Variants in GPR63 observed in about 807,000 individuals in gnomAD.
GPR63 encodes probable G protein-coupled receptor 63.
Under a neutral mutation model 23.1 loss-of-function variants are expected in GPR63, and 12 were observed. The observed-to-expected ratio is 0.52, with a 90% CI of 0.33 to 0.84. The LOEUF (loss-of-function observed/expected upper bound fraction) is 0.84. Ranked by LOEUF, GPR63 falls within the 40% of genes least tolerant of loss-of-function variation. The probability of loss-of-function intolerance (pLI) is 0.02; values close to 1 mark genes in which losing one functional copy is unlikely to be tolerated. For synonymous variants in GPR63, 172 were observed against 191.1 expected (o/e 0.90, Z 0.82); for missense variants, 472 against 515.6 (o/e 0.92, Z 0.82).
intron 1 of GPR63, among the ~76,000 whole-genome samples, chr6:96,830,998 C>T (rs1458898355): frequency 2.0e-5 from 3 of 152,202 alleles, no homozygotes; most frequent in Non-Finnish European, 4.4e-5. Flanking sequence ...AACACATGTG[C>T]ATACACATAT....
intron 1 of GPR63, among the ~76,000 whole-genome samples, chr6:96,805,410 A>C: frequency 6.6e-6 from 1 of 152,074 alleles, no homozygotes; most frequent in Non-Finnish European, 1.5e-5. Context: ...TGACTCAAAT[A>C]CCTCTAACCA....
At chr6:96,803,323 T>A (rs1223151784) in intron 1 of GPR63, among the ~76,000 whole-genome samples, 1 of 152,224 alleles carries the variant, frequency 6.6e-6, no homozygotes, top group Non-Finnish European at 1.5e-5. Context: ...CACCTGTATA[T>A]GGAAGCCTAC....
chr6:96,810,702 A>T (rs1337993817), intron 1 of GPR63, among the ~76,000 whole-genome samples: 1 of 152,160 alleles, frequency 6.6e-6, no homozygotes, highest in Non-Finnish European at 1.5e-5. Flanking sequence ...ATGTGTGTGT[A>T]TATGCATATA....
chr6:96,805,938 A>G (rs1016693203), intron 1 of GPR63, among the ~76,000 whole-genome samples: 3 of 152,208 alleles, frequency 2.0e-5, no homozygotes, highest in Non-Finnish European at 4.4e-5. Flanking sequence ...TGATGGAGCG[A>G]ATCAACATAT....
At chr6:96,831,975 C>T (rs981194764) in intron 1 of GPR63, among the ~76,000 whole-genome samples, 16 of 151,480 alleles carry the variant, frequency 1.1e-4, no homozygotes, top group Non-Finnish European at 2.2e-4. Flanking sequence ...CATTACTGTA[C>T]AGCTGAAGAA....
intron 1 of GPR63, among the ~76,000 whole-genome samples, chr6:96,823,671 G>T (rs1014506591): frequency 2.0e-5 from 3 of 151,944 alleles, no homozygotes; most frequent in African/African-American, 7.3e-5. Context: ...AGACTTTCAC[G>T]TTCACTTACC....
Position 96,837,258 on chromosome 6 carries a change from C to T in GPR63, c.-151+10G>A, listed in dbSNP as rs970503044. The T allele has an allele frequency of 1.3e-5, 2 of 152,434 alleles. No individual in the cohort carries two copies. The highest frequency in any genetic ancestry group is 6.5e-5 in the Admixed American group (1 of 15,288). 9.4% of individuals were successfully genotyped at this position (152,434 alleles called of 1,614,324 possible). On this transcript the variant is annotated intron_variant, in intron 1 of 1. Coordinates refer to ENST00000229955, the MANE Select transcript of GPR63 (RefSeq NM_030784.4). ...GGATCGCGGGCCGGGGATCCCGAGCCTCACCTCACCTCAAGCGAAGGGCAG... is the reference window on the plus strand; with the variant it reads ...GGATCGCGGGCCGGGGATCCCGAGCTTCACCTCACCTCAAGCGAAGGGCAG...
At chr6:96,819,922 G>A (rs1421300743) in intron 1 of GPR63, among the ~76,000 whole-genome samples, 1 of 140,496 alleles carries the variant, frequency 7.1e-6, no homozygotes, top group African/African-American at 2.7e-5. Flanking sequence ...CTTGCAGTGA[G>A]CTGATATCGC....
At chr6:96,803,533 T>C (rs1219988145) in intron 1 of GPR63, among the ~76,000 whole-genome samples, 5 of 152,242 alleles carry the variant, frequency 3.3e-5, no homozygotes, top group African/African-American at 1.2e-4. Flanking sequence ...AATAATGCCT[T>C]TGCCTCAGTA....
intron 1 of GPR63, among the ~76,000 whole-genome samples, chr6:96,828,148 T>C (rs1385091617): frequency 6.6e-6 from 1 of 152,130 alleles, no homozygotes; most frequent in East Asian, 1.9e-4. Flanking sequence ...ATTTATTTTC[T>C]CACAGTTCTG....
At chr6:96,835,421 C>T (rs767443511) in intron 1 of GPR63, among the ~76,000 whole-genome samples, 4 of 151,650 alleles carry the variant, frequency 2.6e-5, no homozygotes, top group Admixed American at 1.3e-4. Flanking sequence ...TATACAAATC[C>T]ACCTCTGTGT....
chr6:96,827,963 A>G (rs908472671), intron 1 of GPR63, among the ~76,000 whole-genome samples: 1 of 152,152 alleles, frequency 6.6e-6, no homozygotes, highest in African/African-American at 2.4e-5. Flanking sequence ...TAAAGAACTA[A>G]ATATAACAGA....
Position 96,798,275 on chromosome 6 carries a change from TG to T in GPR63, c.*196del. The stretch of plus-strand genomic sequence containing the variant: ...TAAATTGAGGATTTCTATTGAACCC[TG>T]GAGGTAATATTTGTAATCACTTTCC... On this transcript the variant is annotated 3_prime_UTR_variant, in exon 2 of 2. Coordinates refer to ENST00000229955, the MANE Select transcript of GPR63 (RefSeq NM_030784.4). 1 of 581,776 alleles carries T rather than the reference TG, an allele frequency of 1.7e-6. No homozygotes were observed. Among genetic ancestry groups the T allele is most frequent in the Non-Finnish European group, 2.8e-6 (1 of 351,816 alleles). 36.0% of individuals were successfully genotyped at this position (581,776 alleles called of 1,614,324 possible). A position where few individuals can be genotyped will look rare whatever the true frequency, so the allele number is the denominator to read the frequency against.
chr6:96,837,076 C>CA (rs1198579287), intron 1 of GPR63, among the ~76,000 whole-genome samples, 192 bp downstream of exon 1: 11 of 152,280 alleles, frequency 7.2e-5, no homozygotes, highest in Non-Finnish European at 1.5e-4. Context: ...AACTCCAGTC[C>CA]AGCTGCAAAA....
chr6:96,818,243 C>T lies in GPR63; in HGVS notation c.-150-18362G>A, dbSNP rs140224628. ...TTAGGAGGCCAAGGCGGGTGGATCA[C>T]CTGAGGTCAGGAGTTCAAGACCAGC... On this transcript the variant is annotated intron_variant, in intron 1 of 1. Transcript: ENST00000229955. Among the ~76,000 whole-genome samples the T allele has an allele frequency of 9.5e-3, 1,445 of 152,072 alleles. 40 individuals carry two copies. The highest frequency in any genetic ancestry group is 0.034 in the African/African-American group (1,393 of 41,466).
intron 1 of GPR63, among the ~76,000 whole-genome samples, chr6:96,813,403 G>C (rs533598234): frequency 6.6e-6 from 1 of 152,230 alleles, no homozygotes; most frequent in South Asian, 2.1e-4. Context: ...TTTGTTTTTA[G>C]AGAAAACTCC....
At chr6:96,827,769 A>G (rs1774480863) in intron 1 of GPR63, among the ~76,000 whole-genome samples, 1 of 152,030 alleles carries the variant, frequency 6.6e-6, no homozygotes, top group Non-Finnish European at 1.5e-5. Context: ...CTTTCAGCAA[A>G]TTAAATTAAA....
intron 1 of GPR63, among the ~76,000 whole-genome samples, chr6:96,812,395 A>G (rs981737317): frequency 6.6e-6 from 1 of 152,164 alleles, no homozygotes. Context: ...ATTAAGCACA[A>G]GGATTTATTT....
chr6:96,798,382 A>T lies in GPR63; in HGVS notation c.*90T>A, dbSNP rs1773647018. ...ACACACATACATACACAAACCCTAT[A>T]AAAAAAAATAAAGTGGAGAGGCTAT... On this transcript the variant is annotated 3_prime_UTR_variant, in exon 2 of 2. Transcript: ENST00000229955. 4.0e-6 allele frequency: 5 copies of T among 1,238,958 alleles called. No homozygotes were observed. The highest frequency in any genetic ancestry group is 5.6e-6 in the Non-Finnish European group (5 of 892,456). 76.7% of individuals were successfully genotyped at this position (1,238,958 alleles called of 1,614,324 possible).
Sources: gnomAD v4.1 joint callset for allele counts (sites outside exome capture counted in the v4.1 genomes callset) on GRCh38, gnomAD v4.1.1 for gene constraint, MANE v1.5 for transcripts, NCBI Gene and HGNC (gene_info 2026-07-23, HGNC 2026-07-21) for gene names.